CNTN5: variants seen among roughly 807,000 people sequenced by gnomAD.
The protein encoded by CNTN5 is contactin 5.
In CNTN5, 77 loss-of-function variants were observed where a neutral mutation model predicts 129.1. The observed-to-expected ratio is 0.60, with a 90% CI of 0.50 to 0.72. The LOEUF is 0.72. CNTN5 is among the 30% of genes least tolerant of loss of function. CNTN5 has a pLI of 0.00. For missense variants in CNTN5, 1,478 were observed against 1,328.8 expected, an observed-to-expected ratio of 1.11 and a Z score of -1.75; for synonymous variants, 509 against 465.6, an observed-to-expected ratio of 1.09 and a Z score of -1.20.
chr11:99,705,347 G>C (rs561777389), intron 3 of CNTN5, among the ~76,000 whole-genome samples: 12 of 151,382 alleles, frequency 7.9e-5, no homozygotes, highest in East Asian at 7.8e-4. Flanking sequence ...TTTACTCATA[G>C]TGTTACCTTT....
At chr11:99,775,680 C>T (rs1417856642) in intron 3 of CNTN5, among the ~76,000 whole-genome samples, 2 of 151,764 alleles carry the variant, frequency 1.3e-5, no homozygotes, top group African/African-American at 4.8e-5. Context: ...GTATCACATG[C>T]TCTCTCTCTA....
chr11:99,617,640 C>T (rs1461643962), intron 3 of CNTN5, among the ~76,000 whole-genome samples: 2 of 152,082 alleles, frequency 1.3e-5, no homozygotes, highest in South Asian at 2.1e-4. Flanking sequence ...GAGATTTTTT[C>T]GATGTGCAAA....
chr11:100,116,604 T>TA (rs1198168648), intron 13 of CNTN5, among the ~76,000 whole-genome samples: 3 of 151,898 alleles, frequency 2.0e-5, no homozygotes, highest in South Asian at 2.1e-4. Flanking sequence ...TTCTAGGTTA[T>TA]AAAAAATAGC....
At chr11:99,947,586 C>T (rs755922619) in intron 7 of CNTN5, among the ~76,000 whole-genome samples, 1 of 152,088 alleles carries the variant, frequency 6.6e-6, no homozygotes, top group Non-Finnish European at 1.5e-5. Flanking sequence ...AGTTGAGGGG[C>T]AGACAATCTC....
At chr11:99,458,645 T>C (rs921212311) in intron 2 of CNTN5, among the ~76,000 whole-genome samples, 4 of 151,982 alleles carry the variant, frequency 2.6e-5, no homozygotes, top group African/African-American at 9.7e-5. Context: ...CATAAAGTCC[T>C]TGAAATGCCT....
At chr11:100,350,405 T>C (rs942329538) in intron 23 of CNTN5, among the ~76,000 whole-genome samples, 1 of 151,670 alleles carries the variant, frequency 6.6e-6, no homozygotes, top group Non-Finnish European at 1.5e-5. Flanking sequence ...TACCTCTTTC[T>C]GGAATTCTCC....
chr11:100,252,570 C>G (rs1460010061), intron 16 of CNTN5, among the ~76,000 whole-genome samples: 4 of 152,054 alleles, frequency 2.6e-5, no homozygotes, highest in African/African-American at 9.7e-5. Flanking sequence ...CTCTTTGATA[C>G]ATTTTGAATT....
At chr11:99,888,569 G>A (rs1331966573) in intron 6 of CNTN5, among the ~76,000 whole-genome samples, 1 of 152,166 alleles carries the variant, frequency 6.6e-6, no homozygotes, top group Non-Finnish European at 1.5e-5. Context: ...CATCAAGAAA[G>A]AGAGCTGAAA....
At chr11:99,317,792 T>A (rs1865402883) in intron 1 of CNTN5, among the ~76,000 whole-genome samples, 1 of 152,028 alleles carries the variant, frequency 6.6e-6, no homozygotes, top group South Asian at 2.1e-4. Context: ...TAAAGGATAT[T>A]TAAGAGCCCT....
At chr11:99,203,279 C>T (rs1329884370) in intron 1 of CNTN5, among the ~76,000 whole-genome samples, 2 of 152,096 alleles carry the variant, frequency 1.3e-5, no homozygotes, top group African/African-American at 2.4e-5. Context: ...ACTTAAAAGC[C>T]ATTCTACACA....
intron 1 of CNTN5, among the ~76,000 whole-genome samples, chr11:99,203,654 A>G (rs554679035): frequency 4.3e-4 from 65 of 151,884 alleles, no homozygotes; most frequent in Middle Eastern, 6.8e-3. Flanking sequence ...CAATGGCGTG[A>G]TCTCGGCTCA....
chr11:99,447,911 C>A (rs183841993), intron 2 of CNTN5, among the ~76,000 whole-genome samples: 1 of 151,902 alleles, frequency 6.6e-6, no homozygotes, highest in African/African-American at 2.4e-5. Context: ...GGTAACAGGG[C>A]GAGACTCCGT....
chr11:100,110,790 C>T (rs930497884), intron 13 of CNTN5, among the ~76,000 whole-genome samples: 3 of 152,084 alleles, frequency 2.0e-5, no homozygotes, highest in Admixed American at 1.3e-4. Flanking sequence ...TCAGGGGAAC[C>T]ATTTGCCACA....
intron 13 of CNTN5, among the ~76,000 whole-genome samples, chr11:100,133,071 A>G (rs931039547): frequency 1.3e-5 from 2 of 152,282 alleles, no homozygotes; most frequent in Middle Eastern, 3.4e-3. Context: ...GACAGCATAA[A>G]TAAGAGATAG....
intron 1 of CNTN5, among the ~76,000 whole-genome samples, chr11:99,282,203 A>G (rs932715500): frequency 2.0e-5 from 3 of 152,062 alleles, no homozygotes; most frequent in Non-Finnish European, 4.4e-5. Flanking sequence ...TAAGTGTTGA[A>G]AACAAACAAG....
chr11:100,012,356 G>GTACC (rs1940583476), intron 9 of CNTN5, among the ~76,000 whole-genome samples: 1 of 152,180 alleles, frequency 6.6e-6, no homozygotes, highest in African/African-American at 2.4e-5. Context: ...ACGTGTGGAT[G>GTACC]TACCGCTCAG....
chr11:100,098,071 A>T (rs1303112946), intron 13 of CNTN5, among the ~76,000 whole-genome samples: 2 of 152,054 alleles, frequency 1.3e-5, no homozygotes, highest in Non-Finnish European at 2.9e-5. Context: ...TCATCTATAC[A>T]TGCAAATCAC....
intron 1 of CNTN5, among the ~76,000 whole-genome samples, chr11:99,179,339 G>A (rs1173753033): frequency 2.6e-5 from 4 of 152,142 alleles, no homozygotes; most frequent in African/African-American, 9.7e-5. Context: ...CTACTTGAGA[G>A]TTTGAGGCAG....
At chr11:99,441,706 T>C (rs1943835159) in intron 2 of CNTN5, among the ~76,000 whole-genome samples, 1 of 152,162 alleles carries the variant, frequency 6.6e-6, no homozygotes, top group Admixed American at 6.5e-5. Context: ...ATTGTAAAAT[T>C]AGGAGTGAAT....
Sources: gnomAD v4.1 joint callset for allele counts (sites outside exome capture counted in the v4.1 genomes callset) on GRCh38, gnomAD v4.1.1 for gene constraint, MANE v1.5 for transcripts, NCBI Gene and HGNC (gene_info 2026-07-23, HGNC 2026-07-21) for gene names.